Variants in ART3 observed in about 807,000 individuals in gnomAD.
ART3 encodes the protein ADP-ribosyltransferase 3 (inactive).
Under a neutral mutation model 48.5 loss-of-function variants are expected in ART3, and 49 were observed. The ratio of observed to expected loss-of-function variants is 1.01; its 90% CI spans 0.80 to 1.28. The LOEUF (loss-of-function observed/expected upper bound fraction) is 1.28, where lower values mean the gene tolerates loss of function less well. Among genes scored for constraint, ART3 ranks in the 50% most tolerant of loss-of-function variants. ART3 has a pLI of 0.00. For missense variants in ART3, 438 were observed against 454.3 expected (o/e 0.96, Z 0.33); for synonymous variants, 145 against 157.2 (o/e 0.92, Z 0.58).
intron 1 of ART3, among the ~76,000 whole-genome samples, chr4:76,053,213 A>G (rs1031370628): frequency 3.9e-5 from 6 of 152,200 alleles, no homozygotes; most frequent in Non-Finnish European, 7.3e-5. Context: ...GGTTATCTCT[A>G]TCTTGTCACT....
Position 76,080,875 on chromosome 4 carries a change from C to A in ART3, c.70-949C>A, listed in dbSNP as rs1446573378. Among the ~76,000 whole-genome samples the A allele has an allele frequency of 6.6e-5, 10 of 152,242 alleles. No individual in the cohort carries two copies. The East Asian group carries it at 1.9e-3, about 29-fold the overall frequency. On this transcript the variant is annotated intron_variant, in intron 2 of 11. Transcript: ENST00000355810. ...GAAATGTCAAGTAACTTTCCCATAC[C>A]TAGTTAGTAACAAATGGGATTTGAA...
intron 3 of ART3, among the ~76,000 whole-genome samples, chr4:76,085,020 A>T (rs1439069101): frequency 6.6e-6 from 1 of 152,228 alleles, no homozygotes; most frequent in Non-Finnish European, 1.5e-5. Flanking sequence ...TGTTTCCTTG[A>T]ACCTGAGCTG....
chr4:76,098,846 A>G, intron 4 of ART3, 109 bp from the exon 5 acceptor site: 1 of 901,314 alleles, frequency 1.1e-6, no homozygotes, highest in South Asian at 1.8e-5. Context: ...ATGTTTCTTA[A>G]ATATAAGCCA....
At chr4:76,087,065 T>C (rs2149586859) in intron 3 of ART3, among the ~76,000 whole-genome samples, 1 of 152,244 alleles carries the variant, frequency 6.6e-6, no homozygotes, top group African/African-American at 2.4e-5. Flanking sequence ...CCAGATGCCG[T>C]TTGTGGAACC....
intron 1 of ART3, among the ~76,000 whole-genome samples, chr4:76,049,260 G>T (rs2149448207): frequency 6.6e-6 from 1 of 152,056 alleles, no homozygotes; most frequent in South Asian, 2.1e-4. Context: ...TTAGAAGTGG[G>T]TCTAACCTCA....
chr4:76,103,883 T>C, intron 8 of ART3, 54 bp from the exon 9 acceptor site: 1 of 1,501,876 alleles, frequency 6.7e-7, no homozygotes. Flanking sequence ...AAGAAGAGTA[T>C]TAACAGTATA....
rs533725408 is a variant in ART3 at position 76,050,772 on chromosome 4, T to C, written c.-9-25109T>C. Among the ~76,000 whole-genome samples, 238 of 152,232 alleles carry C rather than the reference T, an allele frequency of 1.6e-3. 1 individual carries two copies. The highest frequency in any genetic ancestry group is 5.6e-3 in the African/African-American group (232 of 41,548). On this transcript the variant is annotated intron_variant, in intron 1 of 9. Coordinates refer to the ART3 transcript ENST00000341029. ...ATGGAGGGGGTGGGAGGCTCAGGCATGGCGGGCTGCAGGTCCTGAGCCCTG... is the reference window on the plus strand; with the variant it reads ...ATGGAGGGGGTGGGAGGCTCAGGCACGGCGGGCTGCAGGTCCTGAGCCCTG...
chr4:76,052,279 A>G (rs1181322602), intron 1 of ART3, among the ~76,000 whole-genome samples: 2 of 152,150 alleles, frequency 1.3e-5, no homozygotes, highest in Non-Finnish European at 2.9e-5. Flanking sequence ...GTATTTGAGA[A>G]TGAGATATAT....
chr4:76,018,636 A>G (rs985137114), intron 1 of ART3, among the ~76,000 whole-genome samples: 5 of 152,262 alleles, frequency 3.3e-5, no homozygotes, highest in Non-Finnish European at 5.9e-5. Context: ...ATACAAAGTA[A>G]TATGCCATGA....
chr4:76,036,190 T>C (rs938083924), intron 1 of ART3: 4 of 555,762 alleles, frequency 7.2e-6, no homozygotes, highest in Non-Finnish European at 1.3e-5. Flanking sequence ...GTTTCTGTTT[T>C]GTTCTCTTCT....
chr4:76,103,551 A>G (rs1727808802), intron 8 of ART3, among the ~76,000 whole-genome samples: 1 of 152,172 alleles, frequency 6.6e-6, no homozygotes, highest in Admixed American at 6.5e-5. Flanking sequence ...GCAAAGTGAG[A>G]AACTAAAGTT....
chr4:76,056,812 T>C (rs1718736608), intron 1 of ART3, among the ~76,000 whole-genome samples: 1 of 152,228 alleles, frequency 6.6e-6, no homozygotes, highest in Non-Finnish European at 1.5e-5. Flanking sequence ...CTAAGTATCA[T>C]GAGAAAAATC....
intron 1 of ART3, among the ~76,000 whole-genome samples, chr4:76,023,156 C>T (rs1486411931): frequency 6.6e-6 from 1 of 152,096 alleles, no homozygotes; most frequent in African/African-American, 2.4e-5. Flanking sequence ...TCTCTTCTGT[C>T]CTCCTTCCCT....
rs1223943034 is a variant in ART3, at chr4:76,107,565, G to GA, written c.1004-188dup. 28 of 388,672 alleles carry GA rather than the reference G, an allele frequency of 7.2e-5. No individual in the cohort carries two copies. The South Asian group carries it at 1.3e-3, about 17-fold the overall frequency. 24.1% of individuals were successfully genotyped at this position (388,672 alleles called of 1,614,324 possible). On this transcript the variant is annotated intron_variant, in intron 10 of 11. Transcript: ENST00000355810. Reference sequence around the variant, plus strand: ...TTTTTATGTAAACACATATTGATGGGAAAAAAAATTCAAAGAGCACAGATG... The same window carrying GA: ...TTTTTATGTAAACACATATTGATGGGAAAAAAAAATTCAAAGAGCACAGATG...
intron 1 of ART3, among the ~76,000 whole-genome samples, chr4:76,030,976 T>A (rs1259180833): frequency 1.3e-5 from 2 of 152,212 alleles, no homozygotes; most frequent in Admixed American, 6.5e-5. Flanking sequence ...TCAGTTCTTT[T>A]GGGTATATAC....
chr4:76,098,183 A>G (rs1442041110), intron 4 of ART3, among the ~76,000 whole-genome samples: 1 of 146,924 alleles, frequency 6.8e-6, no homozygotes, highest in East Asian at 2.1e-4. Context: ...CCTCGGGGAA[A>G]AATAAGAGGA....
chr4:76,011,625 C>T (rs896317152), intron 1 of ART3, among the ~76,000 whole-genome samples: 6 of 152,204 alleles, frequency 3.9e-5, no homozygotes, highest in African/African-American at 1.4e-4. Flanking sequence ...TCACTGAGGC[C>T]AGATCTTATT....
chr4:76,028,532 GA>G (rs1432824717), intron 1 of ART3, among the ~76,000 whole-genome samples: 1 of 152,204 alleles, frequency 6.6e-6, no homozygotes, highest in Non-Finnish European at 1.5e-5. Flanking sequence ...TGCTTTCCCG[GA>G]AACTGTTATG....
intron 1 of ART3, among the ~76,000 whole-genome samples, chr4:76,046,119 C>CTA (rs34896998): frequency 0.62 from 92,970 of 151,132 alleles, 29,900 homozygotes; most frequent in East Asian, 0.94. Flanking sequence ...GAGAAGTGGC[C>CTA]TAGATCCTGG....
Sources: gnomAD v4.1 joint callset for allele counts (sites outside exome capture counted in the v4.1 genomes callset) on GRCh38, gnomAD v4.1.1 for gene constraint, MANE v1.5 for transcripts, NCBI Gene and HGNC (gene_info 2026-07-23, HGNC 2026-07-21) for gene names.